Variants in PATJ observed in about 807,000 individuals in gnomAD.
The protein encoded by PATJ is PATJ crumbs cell polarity complex component.
PATJ carries 190 observed loss-of-function variants against 224.9 expected under a neutral mutation model. The observed-to-expected ratio is 0.84, with a 90% CI of 0.75 to 0.95. The LOEUF (loss-of-function observed/expected upper bound fraction) is 0.95. PATJ is among the 40% of genes least tolerant of loss of function. PATJ has a pLI of 0.00. For missense variants in PATJ, 2,121 were observed against 2,270.3 expected, an observed-to-expected ratio of 0.93 and a Z score of 1.34; for synonymous variants, 769 against 820.3, an observed-to-expected ratio of 0.94 and a Z score of 1.07.
intron 27 of PATJ, among the ~76,000 whole-genome samples, chr1:61,934,494 T>C (rs1676537894): frequency 6.6e-6 from 1 of 152,174 alleles, no homozygotes; most frequent in Non-Finnish European, 1.5e-5. Context: ...CTATGTGCCA[T>C]ACATTCTCCC....
intron 17 of PATJ, among the ~76,000 whole-genome samples, chr1:61,839,202 T>C (rs1314745730): frequency 6.6e-6 from 1 of 152,094 alleles, no homozygotes; most frequent in African/African-American, 2.4e-5. Context: ...GCTATTTCCA[T>C]GTGCATTTTA....
intron 1 of PATJ, among the ~76,000 whole-genome samples, chr1:61,748,644 A>G (rs575585476): frequency 6.6e-6 from 1 of 152,246 alleles, no homozygotes; most frequent in African/African-American, 2.4e-5. Context: ...TTTATTTTTC[A>G]GTCTTCTCAG....
chr1:62,136,051 G>T (rs1325516519), intron 41 of PATJ, among the ~76,000 whole-genome samples: 7 of 91,586 alleles, frequency 7.6e-5, no homozygotes, highest in African/African-American at 2.9e-4. Flanking sequence ...TTTTGAGACA[G>T]AGTTTCGCTC....
At chr1:61,826,943 A>C (rs1004756410) in intron 15 of PATJ, among the ~76,000 whole-genome samples, 1 of 152,214 alleles carries the variant, frequency 6.6e-6, no homozygotes, top group Non-Finnish European at 1.5e-5. Flanking sequence ...GCTATACTTT[A>C]AGCAGTAAAT....
At chr1:61,777,724 T>TTTTTTTC (rs765662896) in intron 7 of PATJ, among the ~76,000 whole-genome samples, 192 of 105,992 alleles carry the variant, frequency 1.8e-3, no homozygotes, top group East Asian at 4.2e-3. Context: ...TTTTTTTTTT[T>TTTTTTTC]TTTAGCATAG....
intron 33 of PATJ, among the ~76,000 whole-genome samples, chr1:62,105,648 C>A (rs1306512562): frequency 2.6e-5 from 4 of 152,066 alleles, no homozygotes; most frequent in Admixed American, 1.3e-4. Context: ...AGAGTTAAAA[C>A]AAAGAAAGGT....
intron 11 of PATJ, among the ~76,000 whole-genome samples, chr1:61,797,719 T>C (rs1011159206): frequency 6.6e-6 from 1 of 152,248 alleles, no homozygotes; most frequent in African/African-American, 2.4e-5. Context: ...TGATTACGTA[T>C]ATTTGAATAA....
At chr1:61,823,993 T>G (rs1223830106) in intron 15 of PATJ, among the ~76,000 whole-genome samples, 1 of 152,130 alleles carries the variant, frequency 6.6e-6, no homozygotes, top group Non-Finnish European at 1.5e-5. Flanking sequence ...TTTAGAGGTG[T>G]TCAAGGGAAT....
At chr1:62,142,155 C>G (rs990577139) in intron 41 of PATJ, among the ~76,000 whole-genome samples, 1 of 152,084 alleles carries the variant, frequency 6.6e-6, no homozygotes, top group African/African-American at 2.4e-5. Context: ...TGACTTTCTT[C>G]CTCAGCCCCA....
chr1:61,814,130 C>CTTTTTTTTTTTT (rs762502160), intron 14 of PATJ, among the ~76,000 whole-genome samples: 25 of 85,900 alleles, frequency 2.9e-4, no homozygotes, highest in African/African-American at 3.8e-4. Context: ...TTATTCTCTT[C>CTTTTTTTTTTTT]TTTTTTTTTT....
rs143274517 is a variant in PATJ, at chr1:62,140,292, G to GGATGT, written c.5272-7989_5272-7985dup. Among the ~76,000 whole-genome samples the GGATGT allele has an allele frequency of 4.5e-3, 692 of 152,180 alleles. 18 individuals carry two copies. The East Asian group carries it at 0.086, about 19-fold the overall frequency. Reference sequence around the variant, plus strand: ...AACAAAATGACTTCAGGTTTTAGAGGGATGTGAGTTTTTCCATAAGACGAT... The same window carrying GGATGT: ...AACAAAATGACTTCAGGTTTTAGAGGGATGTGATGTGAGTTTTTCCATAAGACGAT... On this transcript the variant is annotated intron_variant, in intron 41 of 43. Coordinates refer to ENST00000642238, the MANE Select transcript of PATJ (RefSeq NM_001350145.3).
rs1280108861 is a variant in PATJ, at chr1:62,064,817, A to G, written c.4125+13759A>G. On this transcript the variant is annotated intron_variant, in intron 31 of 43. Transcript: ENST00000642238. ...AATTTTTACCCCCAATTTGCACTCT[A>G]TCAACTGCTGGATTTCTGGTTTGCT... Among the ~76,000 whole-genome samples the G allele has an allele frequency of 3.3e-5, 5 of 152,202 alleles. No homozygotes were observed. In the East Asian group the frequency reaches 5.8e-4, roughly 18 times the overall value.
At chr1:61,861,485 C>A in intron 18 of PATJ, 66 bp from the exon 19 acceptor site, 26 of 715,620 alleles carry the variant, frequency 3.6e-5, no homozygotes, top group Non-Finnish European at 5.0e-5. Flanking sequence ...CTAATGCTCT[C>A]CCTCCCCTTG....
chr1:61,893,556 T>A (rs1461210402), intron 22 of PATJ, among the ~76,000 whole-genome samples: 2 of 151,204 alleles, frequency 1.3e-5, no homozygotes, highest in Non-Finnish European at 2.9e-5. Flanking sequence ...ATCCCAACAC[T>A]TTGGGAGGCT....
At chr1:61,825,185 G>A (rs558148276) in intron 15 of PATJ, among the ~76,000 whole-genome samples, 1 of 152,214 alleles carries the variant, frequency 6.6e-6, no homozygotes, top group East Asian at 1.9e-4. Context: ...TCATTTTGGG[G>A]TATTGGCAAT....
intron 27 of PATJ, among the ~76,000 whole-genome samples, chr1:61,978,499 A>G (rs1167874483): frequency 2.0e-5 from 3 of 151,958 alleles, no homozygotes; most frequent in Admixed American, 1.3e-4. Flanking sequence ...TCCCAACCTC[A>G]GGTGATCTGC....
chr1:61,744,814 A>G (rs1644943486), intron 1 of PATJ, among the ~76,000 whole-genome samples: 2 of 152,218 alleles, frequency 1.3e-5, no homozygotes, highest in Admixed American at 6.6e-5. Context: ...CACAAGTCCT[A>G]GATTGTTTTA....
intron 30 of PATJ, among the ~76,000 whole-genome samples, chr1:62,042,982 C>A (rs904578332): frequency 6.6e-6 from 1 of 152,056 alleles, no homozygotes; most frequent in Non-Finnish European, 1.5e-5. Context: ...TGTTCTAGAC[C>A]CGAAGGGTAT....
At chr1:61,761,097 G>A (rs1331994534) in intron 1 of PATJ, among the ~76,000 whole-genome samples, 3 of 152,042 alleles carry the variant, frequency 2.0e-5, no homozygotes, top group Non-Finnish European at 4.4e-5. Flanking sequence ...TCTCACCTCA[G>A]TCTCCAGTGT....
Sources: allele counts gnomAD v4.1 joint callset (sites outside exome capture counted in the v4.1 genomes callset), GRCh38; gene constraint gnomAD v4.1.1; transcripts MANE v1.5; gene names NCBI Gene and HGNC (gene_info 2026-07-23, HGNC 2026-07-21).